MEMO1: variants seen among roughly 807,000 people sequenced by gnomAD.
The protein encoded by MEMO1 is mediator of cell motility 1, also known as protein MEMO1.
A neutral mutation model predicts 45.2 loss-of-function variants in MEMO1; 6 were observed. The ratio of observed to expected loss-of-function variants is 0.13; its 90% confidence interval spans 0.07 to 0.26. MEMO1 has a LOEUF of 0.26. Ranked by LOEUF, MEMO1 falls within the 10% of genes least tolerant of loss-of-function variation. The pLI is 1.00. For synonymous variants in MEMO1, 78 were observed against 124.3 expected, an observed-to-expected ratio of 0.63 and a Z score of 2.48; for missense variants, 184 against 370.5, an observed-to-expected ratio of 0.50 and a Z score of 4.13.
intron 2 of MEMO1, among the ~76,000 whole-genome samples, chr2:31,969,876 G>A (rs976180907): frequency 4.6e-5 from 7 of 151,394 alleles, no homozygotes; most frequent in Non-Finnish European, 7.4e-5. Context: ...GATTATAGGC[G>A]TGAGCCACTG....
chr2:31,985,990 T>C (rs67335141), intron 2 of MEMO1, among the ~76,000 whole-genome samples: 18,662 of 152,182 alleles, frequency 0.12, 1,246 homozygotes, highest in Middle Eastern at 0.2. Flanking sequence ...TATATACTTA[T>C]ATAGCTTGTC....
At chr2:31,878,736 A>C (rs1293544540) in intron 8 of MEMO1, among the ~76,000 whole-genome samples, 1 of 152,152 alleles carries the variant, frequency 6.6e-6, no homozygotes, top group Non-Finnish European at 1.5e-5. Flanking sequence ...TTTACTTTGA[A>C]AATTTTTAGT....
rs756100352 is a variant in MEMO1, at chr2:31,943,302, G to A, written c.143C>T (p.Pro48Leu). ...TKRPARAIIAPHAGYTYCGSC... is the reference protein window; with the variant it reads ...TKRPARAIIALHAGYTYCGSC... ...AAAAACAAAAACAAAAAAGACTTAC[G>A]GGGCAATAATGGCTCTAGCAGGTCT... The change falls in exon 3 of 10, where the codon CCC becomes CTC. Residue 48 changes from proline (P) to leucine (L), a missense_variant and splice_region_variant. By Grantham distance (98) the Pro-to-Leu change is moderately conservative. This residue lies in a region of MEMO1 where 27 missense variants were observed against 82.1 expected (regional missense o/e 0.33). Coordinates refer to ENST00000404530, the MANE Select transcript of MEMO1 (RefSeq NM_001301833.4). 1.2e-6 allele frequency: 2 copies of A among 1,610,118 alleles called. No individual in the cohort carries two copies. Among genetic ancestry groups the A allele is most frequent in the Non-Finnish European group, 1.7e-6 (2 of 1,176,514 alleles).
chr2:31,983,121 T>C (rs1267531242), intron 2 of MEMO1, among the ~76,000 whole-genome samples: 5 of 149,068 alleles, frequency 3.4e-5, no homozygotes, highest in Non-Finnish European at 5.9e-5. Context: ...ATTAGCTGGG[T>C]GTGGTGATGG....
At chr2:31,986,846 C>CT (rs1458453207) in intron 2 of MEMO1, among the ~76,000 whole-genome samples, 6 of 152,096 alleles carry the variant, frequency 3.9e-5, no homozygotes, top group African/African-American at 1.4e-4. Flanking sequence ...GGAAAGGCAC[C>CT]TTTAAGTACG....
intron 2 of MEMO1, among the ~76,000 whole-genome samples, chr2:31,975,166 C>T (rs566352072): frequency 6.6e-6 from 1 of 152,188 alleles, no homozygotes; most frequent in Admixed American, 6.5e-5. Context: ...GAACAAAACT[C>T]CATCTCAAAA....
At chr2:31,896,322 A>G (rs1199409236) in intron 6 of MEMO1, among the ~76,000 whole-genome samples, 2 of 152,224 alleles carry the variant, frequency 1.3e-5, no homozygotes, top group Non-Finnish European at 2.9e-5. Context: ...TCCTAGAACT[A>G]TAAGAGCTAA....
At chr2:31,937,123 C>A (rs190150956) in intron 3 of MEMO1, among the ~76,000 whole-genome samples, 1 of 152,286 alleles carries the variant, frequency 6.6e-6, no homozygotes, top group African/African-American at 2.4e-5. Context: ...TTTTGCTGTA[C>A]CTAGTCTTTT....
At chr2:31,946,405 G>C (rs1001619732) in intron 2 of MEMO1, among the ~76,000 whole-genome samples, 1 of 152,236 alleles carries the variant, frequency 6.6e-6, no homozygotes, top group East Asian at 1.9e-4. Flanking sequence ...GTCTGACTCA[G>C]TGATTAAACA....
At chr2:31,963,345 C>A in intron 2 of MEMO1, 1 of 1,279,538 alleles carries the variant, frequency 7.8e-7, no homozygotes, top group Non-Finnish European at 1.0e-6. Context: ...GGTGTAGACA[C>A]ACATACCCTA....
chr2:31,996,437 G>A (rs1333669197), intron 2 of MEMO1, among the ~76,000 whole-genome samples: 1 of 151,972 alleles, frequency 6.6e-6, no homozygotes, highest in Non-Finnish European at 1.5e-5. Context: ...TCCCAGCTGA[G>A]GGAGGCTAAG....
chr2:31,919,208 A>C (rs1418525809), intron 5 of MEMO1, among the ~76,000 whole-genome samples: 2 of 151,856 alleles, frequency 1.3e-5, no homozygotes, highest in Non-Finnish European at 2.9e-5. Context: ...GGGGACAGCA[A>C]AATGATTTCA....
At chr2:31,920,645 C>CT (rs1382783277) in intron 5 of MEMO1, among the ~76,000 whole-genome samples, 153 bp downstream of exon 5, 2 of 151,928 alleles carry the variant, frequency 1.3e-5, no homozygotes, top group Non-Finnish European at 2.9e-5. Context: ...GGAAGAGTTT[C>CT]TTTTTTTGCT....
chr2:31,872,068 A>G (rs1432710230), intron 8 of MEMO1, among the ~76,000 whole-genome samples: 1 of 146,256 alleles, frequency 6.8e-6, no homozygotes, highest in Non-Finnish European at 1.5e-5. Context: ...TATAAACTAT[A>G]TCATAATTCT....
At position 32,010,407 on chromosome 2, in the gene MEMO1, G is replaced by C. The variant is rs985640028; in HGVS notation, c.-17-143C>G. 3 of 419,200 alleles carry C rather than the reference G, an allele frequency of 7.2e-6. No individual in the cohort carries two copies. The East Asian group carries it at 1.4e-4, about 19-fold the overall frequency. 26.0% of individuals were successfully genotyped at this position (419,200 alleles called of 1,614,324 possible). On this transcript the variant is annotated intron_variant, in intron 1 of 9. Coordinates refer to ENST00000404530, the MANE Select transcript of MEMO1 (RefSeq NM_001301833.4). ...CCCGGCCCAGGAGGAGGAGGAAGAG[G>C]AGGAGGCGGCGGCCCAGGAGGAGGA...
chr2:31,977,568 C>T (rs562744705), intron 2 of MEMO1, among the ~76,000 whole-genome samples: 7 of 152,188 alleles, frequency 4.6e-5, no homozygotes, highest in African/African-American at 1.7e-4. Context: ...GGCTGGAGTA[C>T]AGTGGCACGA....
intron 4 of MEMO1, among the ~76,000 whole-genome samples, chr2:31,929,169 T>C (rs1683566667): frequency 6.6e-6 from 1 of 152,174 alleles, no homozygotes; most frequent in Non-Finnish European, 1.5e-5. Flanking sequence ...CACTACTGTT[T>C]TTATTTCCAT....
rs150706471 is a variant in MEMO1, at chr2:31,919,624, G to A, written c.325+1174C>T. Among the ~76,000 whole-genome samples, 924 of 152,134 alleles carry A rather than the reference G, an allele frequency of 6.1e-3. 12 individuals carry two copies. Among genetic ancestry groups the A allele is most frequent in the African/African-American group, 0.021 (866 of 41,506 alleles). On this transcript the variant is annotated intron_variant, in intron 5 of 9. Coordinates refer to ENST00000404530, the MANE Select transcript of MEMO1 (RefSeq NM_001301833.4). ...GCTTGAGACCAGGAGTTCAAGATCA[G>A]CCTGGGCAACATAGCAAGACCCTAC...
chr2:31,992,424 G>C (rs1672055652), intron 2 of MEMO1, among the ~76,000 whole-genome samples: 1 of 152,230 alleles, frequency 6.6e-6, no homozygotes, highest in African/African-American at 2.4e-5. Flanking sequence ...ATAAACAAAA[G>C]TGGGTTCATA....
Sources: allele counts gnomAD v4.1 joint callset (sites outside exome capture counted in the v4.1 genomes callset), GRCh38; gene constraint gnomAD v4.1.1; regional missense constraint gnomAD v4.1.1; transcripts MANE v1.5; gene names NCBI Gene and HGNC (gene_info 2026-07-23, HGNC 2026-07-21).